The following LRP1B variants were observed in gnomAD, a reference collection of about 807,000 sequenced individuals.
LRP1B encodes the protein low-density lipoprotein receptor-related protein 1B.
In LRP1B, 217 loss-of-function variants were observed where a neutral mutation model predicts 556.6. That is an observed-to-expected ratio of 0.39 (90% CI 0.35 to 0.44). LRP1B has a LOEUF of 0.44. Ranked by LOEUF, LRP1B falls within the 20% of genes least tolerant of loss-of-function variation. The pLI, the probability that LRP1B is intolerant of heterozygous loss-of-function variation, is 1.00. For missense variants in LRP1B, 5,053 were observed against 5,620.8 expected (o/e 0.90, Z 3.23); for synonymous variants, 2,047 against 1,865.8 (o/e 1.10, Z -2.50).
chr2:140,421,134 T>TA (rs1239659699), intron 66 of LRP1B, among the ~76,000 whole-genome samples: 12 of 152,052 alleles, frequency 7.9e-5, no homozygotes, highest in African/African-American at 2.9e-4. Flanking sequence ...TGCGTGTCTG[T>TA]AGTCCATCCA....
intron 58 of LRP1B, among the ~76,000 whole-genome samples, chr2:140,487,396 TGA>T (rs1166269050): frequency 1.3e-5 from 2 of 151,946 alleles, no homozygotes; most frequent in Admixed American, 1.3e-4. Flanking sequence ...TTACTCAATT[TGA>T]TGTTTATGTT....
At chr2:140,660,626 G>A (rs80150135) in intron 41 of LRP1B, among the ~76,000 whole-genome samples, 9,504 of 152,008 alleles carry the variant, frequency 0.063, 340 homozygotes, top group Admixed American at 0.079. Flanking sequence ...TTGAAACAAA[G>A]TTTTGGTTGT....
chr2:141,254,185 G>A (rs1241460061), intron 4 of LRP1B, among the ~76,000 whole-genome samples: 1 of 152,054 alleles, frequency 6.6e-6, no homozygotes, highest in African/African-American at 2.4e-5. Flanking sequence ...ACCTAACGTA[G>A]TTAATAACAC....
intron 3 of LRP1B, among the ~76,000 whole-genome samples, chr2:141,315,496 T>G (rs1391772337): frequency 1.3e-5 from 2 of 151,984 alleles, no homozygotes; most frequent in Non-Finnish European, 2.9e-5. Flanking sequence ...CCTGACCTCG[T>G]GATCCACCTG....
intron 3 of LRP1B, among the ~76,000 whole-genome samples, chr2:141,315,790 T>C (rs1163243693): frequency 1.3e-5 from 2 of 151,600 alleles, no homozygotes; most frequent in Non-Finnish European, 2.9e-5. Flanking sequence ...TTTTTTTTTG[T>C]TTTGTTTTAA....
chr2:140,498,897 A>G (rs951389826), intron 55 of LRP1B, among the ~76,000 whole-genome samples: 19 of 151,982 alleles, frequency 1.3e-4, no homozygotes, highest in African/African-American at 4.6e-4. Context: ...CTCATCCTGA[A>G]TGTTTGTACA....
chr2:141,215,482 G>A (rs1229120854), intron 6 of LRP1B, among the ~76,000 whole-genome samples: 2 of 152,196 alleles, frequency 1.3e-5, no homozygotes, highest in Non-Finnish European at 2.9e-5. Context: ...GAGATTGGAA[G>A]AGTTTAGAGG....
chr2:142,038,118 A>C (rs1384014691), intron 1 of LRP1B, among the ~76,000 whole-genome samples: 1 of 151,542 alleles, frequency 6.6e-6, no homozygotes, highest in Admixed American at 6.6e-5. Context: ...TTTGATCTTA[A>C]GTTTCATCTT....
At chr2:141,970,029 G>T (rs1701685178) in intron 1 of LRP1B, among the ~76,000 whole-genome samples, 1 of 151,398 alleles carries the variant, frequency 6.6e-6, no homozygotes, top group South Asian at 2.1e-4. Flanking sequence ...CCTAAGATTA[G>T]CAATGATAAG....
intron 3 of LRP1B, among the ~76,000 whole-genome samples, chr2:141,313,161 A>C (rs762290908): frequency 6.6e-6 from 1 of 152,190 alleles, no homozygotes; most frequent in Non-Finnish European, 1.5e-5. Flanking sequence ...TAAATTAAAG[A>C]CTTGGCCTCA....
intron 1 of LRP1B, among the ~76,000 whole-genome samples, chr2:142,067,673 A>T (rs889716901): frequency 1.3e-5 from 2 of 151,502 alleles, no homozygotes; most frequent in Non-Finnish European, 1.5e-5. Context: ...CATTATTTAG[A>T]CTGAAATAAT....
chr2:141,838,426 G>A (rs769977643), intron 1 of LRP1B, among the ~76,000 whole-genome samples: 4 of 152,122 alleles, frequency 2.6e-5, no homozygotes, highest in Admixed American at 6.5e-5. Flanking sequence ...GCTATTTAGT[G>A]ACTGTTTGAG....
rs563003299 is a variant in LRP1B, at chr2:141,444,652, A to AT, written c.343+35743dup. 7.9e-5 allele frequency among the ~76,000 whole-genome samples: 12 copies of AT among 152,282 alleles called. 1 individual carries two copies. In the East Asian group the frequency reaches 2.1e-3, roughly 27 times the overall value. On this transcript the variant is annotated intron_variant, in intron 3 of 90. Coordinates refer to ENST00000389484, the MANE Select transcript of LRP1B (RefSeq NM_018557.3). ...TTAGTATGAAGGTGTGTTGAATTTT[A>AT]TCAAAGGCCTTTTCTGCATCTATTG...
At chr2:141,022,793 GGTAGA>G (rs908254265) in intron 11 of LRP1B, among the ~76,000 whole-genome samples, 1 of 151,882 alleles carries the variant, frequency 6.6e-6, no homozygotes. Flanking sequence ...AGAAAAACTT[GGTAGA>G]GTAGATTTCT....
chr2:141,476,906 C>G (rs1361451187), intron 3 of LRP1B, among the ~76,000 whole-genome samples: 1 of 152,114 alleles, frequency 6.6e-6, no homozygotes. Flanking sequence ...GGTGGATCAC[C>G]TGAGGTTGGG....
chr2:141,311,753 T>C (rs902957026), intron 3 of LRP1B, among the ~76,000 whole-genome samples: 5 of 152,240 alleles, frequency 3.3e-5, no homozygotes, highest in Non-Finnish European at 4.4e-5. Flanking sequence ...GTCAGTGCTA[T>C]GCTCATGAAC....
intron 41 of LRP1B, among the ~76,000 whole-genome samples, chr2:140,610,528 AC>A (rs2105223594): frequency 6.6e-6 from 1 of 152,308 alleles, no homozygotes; most frequent in Non-Finnish European, 1.5e-5. Context: ...TCCCCGCCCT[AC>A]CACTTTACTA....
intron 32 of LRP1B, among the ~76,000 whole-genome samples, chr2:140,789,492 A>C (rs929014514): frequency 6.6e-6 from 1 of 152,094 alleles, no homozygotes; most frequent in African/African-American, 2.4e-5. Flanking sequence ...TGAAGTACTA[A>C]GGTTTTACTA....
intron 37 of LRP1B, among the ~76,000 whole-genome samples, chr2:140,710,332 G>T (rs948721322): frequency 2.0e-5 from 3 of 151,930 alleles, no homozygotes; most frequent in Non-Finnish European, 4.4e-5. Context: ...CCTCTTTTGT[G>T]ACAACAGGAA....
Sources: gnomAD v4.1 joint callset for allele counts (sites outside exome capture counted in the v4.1 genomes callset) on GRCh38, gnomAD v4.1.1 for gene constraint, MANE v1.5 for transcripts, NCBI Gene and HGNC (gene_info 2026-07-23, HGNC 2026-07-21) for gene names.